CRB1: variants seen among roughly 807,000 people sequenced by gnomAD.
The protein encoded by CRB1 is protein crumbs homolog 1.
CRB1 carries 83 observed loss-of-function variants against 120.0 expected under a neutral mutation model. The ratio of observed to expected loss-of-function variants is 0.69; its 90% CI spans 0.58 to 0.83. The LOEUF (loss-of-function observed/expected upper bound fraction) is 0.83. Among genes scored for constraint, CRB1 ranks in the 40% least tolerant of loss-of-function variants. CRB1 has a pLI of 0.00. For missense variants in CRB1, 1,699 were observed against 1,687.6 expected (o/e 1.01, Z -0.12); for synonymous variants, 625 against 612.5 (o/e 1.02, Z -0.30).
chr1:197,293,795 A>C (rs1406877965), intron 1 of CRB1, among the ~76,000 whole-genome samples: 4 of 152,192 alleles, frequency 2.6e-5, no homozygotes, highest in Non-Finnish European at 5.9e-5. Context: ...CAAACCTGGC[A>C]AAAACAAGCA....
At chr1:197,270,837 A>G (rs1654867105) in intron 1 of CRB1, among the ~76,000 whole-genome samples, 1 of 152,178 alleles carries the variant, frequency 6.6e-6, no homozygotes. Flanking sequence ...GTGATAATGC[A>G]TAAGGACTTT....
chr1:197,435,383 T>G lies in CRB1; in HGVS notation c.3520T>G (p.Cys1174Gly), dbSNP rs917768074. The change falls in exon 9 of 12, where the codon TGT becomes GGT. Residue 1174 changes from cysteine (C) to glycine (G), a missense_variant. Physicochemically the swap from Cys to Gly is radical, Grantham distance 159. Coordinates refer to ENST00000367400, the MANE Select transcript of CRB1 (RefSeq NM_201253.3). The stretch of plus-strand genomic sequence containing the variant: ...TCCCTTGGGATGGTCAGGGAAACAC[T>G]GTGAACTCAACATCGATGAATGCTT... The part of the protein sequence containing the change: ...SCPLGWSGKH[C>G]ELNIDECFSN... 6.2e-7 allele frequency: 1 copy of G among 1,609,964 alleles called. No individual in the cohort carries two copies. The highest frequency in any genetic ancestry group is 8.5e-7 in the Non-Finnish European group (1 of 1,177,622).
rs1571848688 is a variant in CRB1 at position 197,328,787 on chromosome 1, GAGAT to G, written c.441_444del (p.Asp148ThrfsTer57). On this transcript the variant is annotated frameshift_variant, in exon 2 of 12. Coordinates refer to ENST00000367400, the MANE Select transcript of CRB1 (RefSeq NM_201253.3). LOFTEE classifies it high-confidence loss of function. ...TGCTGGATATGCTGGAAGATTCTGTGAGATAGATCACGATGAGTGTGCTTCCAGC... is the reference window on the plus strand; with the variant it reads ...TGCTGGATATGCTGGAAGATTCTGTGAGATCACGATGAGTGTGCTTCCAGC... 1.2e-6 allele frequency: 2 copies of G among 1,613,472 alleles called. No individual in the cohort carries two copies. The highest frequency in any genetic ancestry group is 2.7e-5 in the African/African-American group (2 of 74,906).
chr1:197,409,563 C>T (rs889608053), intron 5 of CRB1, among the ~76,000 whole-genome samples: 1 of 151,902 alleles, frequency 6.6e-6, no homozygotes, highest in African/African-American at 2.4e-5. Context: ...TTTATGCCAG[C>T]TCATCATATT....
At chr1:197,433,342 G>GTGGT (rs1664967940) in intron 8 of CRB1, among the ~76,000 whole-genome samples, 3 of 152,100 alleles carry the variant, frequency 2.0e-5, no homozygotes, top group Admixed American at 1.3e-4. Context: ...AAAGATGATG[G>GTGGT]TGGTTGGGTG....
chr1:197,312,785 C>G (rs1657615302), intron 1 of CRB1, among the ~76,000 whole-genome samples: 1 of 152,088 alleles, frequency 6.6e-6, no homozygotes, highest in Non-Finnish European at 1.5e-5. Context: ...GCATTAATCC[C>G]TTTCCACAAT....
rs183835013 is a variant in CRB1 at position 197,336,268 on chromosome 1, T to C, written c.652+7265T>C. On this transcript the variant is annotated intron_variant, in intron 2 of 11. Transcript: ENST00000367400. ...AAAGACATAATTCGAATTTCAGTCGTTGTGGAGGTTTGAATCTGGGCTTGG... is the reference window on the plus strand; with the variant it reads ...AAAGACATAATTCGAATTTCAGTCGCTGTGGAGGTTTGAATCTGGGCTTGG... Among the ~76,000 whole-genome samples, 403 of 152,314 alleles carry C rather than the reference T, an allele frequency of 2.6e-3. 6 individuals are homozygous for C. The highest frequency in any genetic ancestry group is 1.6e-3 in the Non-Finnish European group (106 of 68,024).
intron 11 of CRB1, among the ~76,000 whole-genome samples, chr1:197,455,015 A>G (rs1018685099): frequency 3.3e-5 from 5 of 152,200 alleles, no homozygotes; most frequent in African/African-American, 4.8e-5. Context: ...TAATGTGTCT[A>G]TAATGACATA....
At chr1:197,259,268 G>A in the CRB1 span, among the ~76,000 whole-genome samples, 3 of 152,222 alleles carry the variant, frequency 2.0e-5, no homozygotes, top group East Asian at 5.8e-4. Context: ...GCAAAGGCAT[G>A]GAATCAATCC....
intron 1 of CRB1, among the ~76,000 whole-genome samples, chr1:197,308,831 A>C (rs1657329272): frequency 1.3e-5 from 2 of 151,402 alleles, no homozygotes; most frequent in Non-Finnish European, 3.0e-5. Flanking sequence ...AAATAAATAA[A>C]AAATATAAAT....
chr1:197,362,026 A>G lies in CRB1; in HGVS notation c.1171+5013A>G, dbSNP rs537493340. 1.6e-4 allele frequency among the ~76,000 whole-genome samples: 24 copies of G among 152,196 alleles called. No homozygotes were observed. In the South Asian group the frequency reaches 4.8e-3, roughly 30 times the overall value. Reference sequence around the variant, plus strand: ...GTAGCTGCATCCCACATATTTTGATATGCCATACTTCCATCTTAATACTGT... The same window carrying G: ...GTAGCTGCATCCCACATATTTTGATGTGCCATACTTCCATCTTAATACTGT... On this transcript the variant is annotated intron_variant, in intron 5 of 11. Transcript: ENST00000367400.
intron 10 of CRB1, 122 bp from the exon 11 acceptor site, chr1:197,442,044 A>T: frequency 9.4e-7 from 1 of 1,068,906 alleles, no homozygotes; most frequent in East Asian, 2.4e-5. Flanking sequence ...TGTATAAAGT[A>T]TGTGTGGATG....
At chr1:197,286,642 A>G (rs755512082) in intron 1 of CRB1, among the ~76,000 whole-genome samples, 2 of 151,948 alleles carry the variant, frequency 1.3e-5, no homozygotes, top group Non-Finnish European at 2.9e-5. Context: ...ACAGAATATA[A>G]TAAAGTTTTC....
At chr1:197,305,892 G>A (rs1657140802) in intron 1 of CRB1, among the ~76,000 whole-genome samples, 2 of 139,374 alleles carry the variant, frequency 1.4e-5, no homozygotes, top group Non-Finnish European at 3.1e-5. Context: ...ACTGATATTT[G>A]AGATCTAATT....
Position 197,372,712 on chromosome 1 carries a change from T to TAA in CRB1, c.1171+15710_1171+15711dup, listed in dbSNP as rs35605549. Among the ~76,000 whole-genome samples, 199 of 146,056 alleles carry TAA rather than the reference T, an allele frequency of 1.4e-3. 1 individual carries two copies. The highest frequency in any genetic ancestry group is 6.9e-3 in the Middle Eastern group (2 of 290). ...GCAATATAATGAGACTCTGTCTCTT[T>TAA]AAAAAAAAAAAACAAATAAAAAAAC... is the stretch of plus-strand genomic sequence containing the variant. On this transcript the variant is annotated intron_variant, in intron 5 of 11. Transcript: ENST00000367400.
intron 1 of CRB1, among the ~76,000 whole-genome samples, chr1:197,322,212 G>A (rs1044663930): frequency 1.3e-5 from 2 of 152,098 alleles, no homozygotes; most frequent in Non-Finnish European, 2.9e-5. Context: ...CAGGTACGGT[G>A]GCTCATGCCT....
At chr1:197,329,765 T>TA (rs1309488976) in intron 2 of CRB1, among the ~76,000 whole-genome samples, 3 of 152,204 alleles carry the variant, frequency 2.0e-5, no homozygotes, top group African/African-American at 7.2e-5. Context: ...TTCCATTTAC[T>TA]TGTAAGGGGG....
At chr1:197,408,906 A>G (rs1015504943) in intron 5 of CRB1, among the ~76,000 whole-genome samples, 17 of 152,200 alleles carry the variant, frequency 1.1e-4, no homozygotes, top group African/African-American at 4.1e-4. Context: ...ACTAAAAATC[A>G]CTTACCTATA....
At chr1:197,450,512 G>GT (rs539498862) in intron 11 of CRB1, among the ~76,000 whole-genome samples, 3 of 151,804 alleles carry the variant, frequency 2.0e-5, no homozygotes, top group African/African-American at 4.8e-5. Context: ...CCAACAGTTA[G>GT]TTTTTTTTGT....
Sources: allele counts gnomAD v4.1 joint callset (sites outside exome capture counted in the v4.1 genomes callset), GRCh38; gene constraint gnomAD v4.1.1; transcripts MANE v1.5; gene names NCBI Gene and HGNC (gene_info 2026-07-23, HGNC 2026-07-21).